ARB2A: variants seen among roughly 807,000 people sequenced by gnomAD.
ARB2A encodes ARB2 cotranscriptional regulator A.
chr5:93,686,883 TAA>T, the ARB2A span, among the ~76,000 whole-genome samples: 1 of 150,736 alleles, frequency 6.6e-6, no homozygotes, highest in African/African-American at 2.4e-5. Flanking sequence ...TAAAAGAAAA[TAA>T]AAGAGAACAT....
chr5:93,830,085 A>C, the ARB2A span, among the ~76,000 whole-genome samples: 2 of 151,862 alleles, frequency 1.3e-5, no homozygotes, highest in Non-Finnish European at 2.9e-5. Context: ...AAACAGGTCT[A>C]AATTGGAACT....
At chr5:93,791,273 T>C in the ARB2A span, among the ~76,000 whole-genome samples, 1 of 152,354 alleles carries the variant, frequency 6.6e-6, no homozygotes, top group African/African-American at 2.4e-5. Flanking sequence ...TAATTAATAA[T>C]AGAGTCTCCT....
At chr5:94,043,035 T>C in the ARB2A span, among the ~76,000 whole-genome samples, 1 of 152,142 alleles carries the variant, frequency 6.6e-6, no homozygotes, top group Non-Finnish European at 1.5e-5. Flanking sequence ...CCACAGGCAA[T>C]TGTTGTCTTG....
the ARB2A span, among the ~76,000 whole-genome samples, chr5:94,088,915 A>C: frequency 6.6e-6 from 1 of 152,236 alleles, no homozygotes; most frequent in African/African-American, 2.4e-5. Flanking sequence ...TGGTTGCTAA[A>C]GGATGGGTTC....
chr5:93,808,594 G>T, the ARB2A span, among the ~76,000 whole-genome samples: 1 of 151,830 alleles, frequency 6.6e-6, no homozygotes, highest in Admixed American at 6.6e-5. Context: ...TAAAGTTAAT[G>T]TTTGTATCTC....
chr5:94,028,707 C>A, the ARB2A span, among the ~76,000 whole-genome samples: 3 of 152,204 alleles, frequency 2.0e-5, no homozygotes, highest in African/African-American at 7.2e-5. Context: ...TTTGAATGAA[C>A]AACTGTTAAC....
the ARB2A span, among the ~76,000 whole-genome samples, chr5:93,950,949 AAAAAAAAAAT>A: frequency 6.8e-6 from 1 of 147,676 alleles, no homozygotes; most frequent in Non-Finnish European, 1.5e-5. Flanking sequence ...GTCTCAAAAA[AAAAAAAAAAT>A]AAAATAAAAT....
chr5:93,624,451 G>A, the ARB2A span, among the ~76,000 whole-genome samples: 6 of 152,170 alleles, frequency 3.9e-5, no homozygotes, highest in Non-Finnish European at 4.4e-5. Flanking sequence ...TATCTGCCAA[G>A]TTCTCAAGGA....
chr5:93,986,776 C>T, the ARB2A span, among the ~76,000 whole-genome samples: 5 of 152,180 alleles, frequency 3.3e-5, no homozygotes, highest in East Asian at 1.9e-4. Context: ...GGATTAAGGG[C>T]GGTGCAAGAT....
the ARB2A span, among the ~76,000 whole-genome samples, chr5:93,730,752 A>G: frequency 5.3e-5 from 8 of 152,118 alleles, no homozygotes; most frequent in Non-Finnish European, 1.0e-4. Context: ...TCACATATCA[A>G]CTTTTCTGGG....
the ARB2A span, among the ~76,000 whole-genome samples, chr5:93,716,693 CAAAAAAAA>C: frequency 3.3e-4 from 12 of 36,690 alleles, no homozygotes; most frequent in African/African-American, 4.7e-4. Context: ...ATAAGCTGTG[CAAAAAAAA>C]AAAAAAAAAA....
the ARB2A span, among the ~76,000 whole-genome samples, chr5:93,661,544 C>T: frequency 2.6e-5 from 4 of 152,066 alleles, no homozygotes; most frequent in African/African-American, 9.7e-5. Context: ...TTCAGAGAGT[C>T]ATCACCTATC....
At chr5:93,883,119 T>C in the ARB2A span, among the ~76,000 whole-genome samples, 1 of 151,522 alleles carries the variant, frequency 6.6e-6, no homozygotes, top group Admixed American at 6.6e-5. Context: ...TGGAATTGTT[T>C]TCTATTTTTT....
At chr5:93,849,412 T>A in the ARB2A span, among the ~76,000 whole-genome samples, 2 of 152,066 alleles carry the variant, frequency 1.3e-5, no homozygotes, top group Non-Finnish European at 2.9e-5. Flanking sequence ...CACCTAGAAA[T>A]AGTATGCTAT....
the ARB2A span, among the ~76,000 whole-genome samples, chr5:93,859,442 G>T: frequency 6.6e-6 from 1 of 152,088 alleles, no homozygotes; most frequent in Admixed American, 6.5e-5. Flanking sequence ...GAATATATTT[G>T]TATCACCTAG....
chr5:93,714,903 C>A, the ARB2A span, among the ~76,000 whole-genome samples: 6 of 152,270 alleles, frequency 3.9e-5, no homozygotes, highest in East Asian at 1.2e-3. Flanking sequence ...CGGAGTTACA[C>A]CAACTATAGA....
the ARB2A span, among the ~76,000 whole-genome samples, chr5:93,920,707 T>C: frequency 6.6e-6 from 1 of 152,098 alleles, no homozygotes; most frequent in South Asian, 2.1e-4. Flanking sequence ...CCATTCACAG[T>C]TGAGAGAAAT....
At chr5:93,692,544 A>G in the ARB2A span, among the ~76,000 whole-genome samples, 1 of 152,212 alleles carries the variant, frequency 6.6e-6, no homozygotes, top group African/African-American at 2.4e-5. Context: ...CCAGATTCAT[A>G]AAGCAAGTTC....
chr5:93,834,951 C>A, the ARB2A span, among the ~76,000 whole-genome samples: 1 of 152,144 alleles, frequency 6.6e-6, no homozygotes, highest in African/African-American at 2.4e-5. Flanking sequence ...CCATGAATTC[C>A]ACATTAGAGT....
Sources: gnomAD v4.1 joint callset for allele counts (sites outside exome capture counted in the v4.1 genomes callset) on GRCh38, gnomAD v4.1.1 for gene constraint, MANE v1.5 for transcripts, NCBI Gene and HGNC (gene_info 2026-07-23, HGNC 2026-07-21) for gene names.